IL17B: variants seen among roughly 807,000 people sequenced by gnomAD.
IL17B encodes interleukin-17B.
Under a neutral mutation model 14.7 loss-of-function variants are expected in IL17B, and 14 were observed. The observed-to-expected ratio is 0.95, with a 90% CI of 0.63 to 1.49. The LOEUF is 1.49. IL17B is among the 40% of genes most tolerant of loss of function. The pLI, the probability that IL17B is intolerant of heterozygous loss-of-function variation, is 0.00. For synonymous variants in IL17B, 105 were observed against 94.8 expected, an observed-to-expected ratio of 1.11 and a Z score of -0.62; for missense variants, 233 against 252.8, an observed-to-expected ratio of 0.92 and a Z score of 0.53.
intron 1 of IL17B, among the ~76,000 whole-genome samples, chr5:149,384,759 T>G (rs1349959557): frequency 6.6e-6 from 1 of 152,162 alleles, no homozygotes; most frequent in Non-Finnish European, 1.5e-5. Context: ...ATTCTAGCAC[T>G]TTCTAACTGC....
chr5:149,381,001 C>T (rs1301086886), upstream of IL17B, among the ~76,000 whole-genome samples: 4 of 152,360 alleles, frequency 2.6e-5, no homozygotes, highest in East Asian at 5.8e-4. Flanking sequence ...CTGTCCCAGC[C>T]CCAGCCCCAC....
chr5:149,403,641 T>A (rs564469241), intron 1 of IL17B, among the ~76,000 whole-genome samples: 2 of 152,086 alleles, frequency 1.3e-5, no homozygotes, highest in Non-Finnish European at 2.9e-5. Context: ...GTAGAATTAG[T>A]GTGAATTCAG....
chr5:149,394,596 A>T (rs1322324485), intron 1 of IL17B, among the ~76,000 whole-genome samples: 1 of 152,264 alleles, frequency 6.6e-6, no homozygotes, highest in Non-Finnish European at 1.5e-5. Flanking sequence ...CAGTATTGGA[A>T]ATGATGTGAA....
intron 1 of IL17B, among the ~76,000 whole-genome samples, chr5:149,401,231 C>T (rs1387633380): frequency 1.3e-5 from 2 of 152,238 alleles, no homozygotes; most frequent in Non-Finnish European, 2.9e-5. Context: ...TTCCGATTCC[C>T]TGTAGTAAAT....
At chr5:149,390,226 C>CG (rs149991010) in intron 1 of IL17B, among the ~76,000 whole-genome samples, 7 of 148,714 alleles carry the variant, frequency 4.7e-5, no homozygotes, top group African/African-American at 1.7e-4. Flanking sequence ...GACCCCCCCC[C>CG]TCCCTGTCCC....
intron 1 of IL17B, among the ~76,000 whole-genome samples, chr5:149,395,822 G>A (rs353263): frequency 0.12 from 17,873 of 152,184 alleles, 1,410 homozygotes; most frequent in East Asian, 0.17. Flanking sequence ...ACAGGTACAT[G>A]CCACCATGCC....
intron 1 of IL17B, among the ~76,000 whole-genome samples, chr5:149,391,231 G>A (rs1030370659): frequency 1.3e-5 from 2 of 152,166 alleles, no homozygotes; most frequent in South Asian, 2.1e-4. Context: ...CTCCCAAACT[G>A]CTGGGATTAC....
exon 1 of IL17B, chr5:149,404,134 CT>C (rs767186036): frequency 3.3e-5 from 5 of 152,182 alleles, no homozygotes; most frequent in African/African-American, 4.8e-5. Flanking sequence ...GACCTGTTTT[CT>C]CTAGGAATGG....
intron 1 of IL17B, among the ~76,000 whole-genome samples, chr5:149,392,940 G>A (rs1039129642): frequency 1.9e-4 from 23 of 121,602 alleles, no homozygotes; most frequent in African/African-American, 2.8e-4. Context: ...GTGTACGTGC[G>A]TGTGTGCGTG....
intron 1 of IL17B, among the ~76,000 whole-genome samples, chr5:149,377,326 G>A (rs990352493): frequency 3.3e-5 from 5 of 152,096 alleles, no homozygotes; most frequent in African/African-American, 7.2e-5. Flanking sequence ...CCCACCCCTC[G>A]TGTCAGCTTT....
intron 1 of IL17B, among the ~76,000 whole-genome samples, chr5:149,389,079 T>C (rs1473051434): frequency 2.0e-5 from 3 of 152,240 alleles, no homozygotes; most frequent in African/African-American, 2.4e-5. Flanking sequence ...GTTCACTTAA[T>C]TGTGGCTACC....
At chr5:149,389,438 AC>A (rs1758894262) in intron 1 of IL17B, among the ~76,000 whole-genome samples, 1 of 152,262 alleles carries the variant, frequency 6.6e-6, no homozygotes, top group South Asian at 2.1e-4. Context: ...GACTTTTGGA[AC>A]AAGAGCCATC....
In IL17B at chr5:149,403,266, T is replaced by C. The variant is rs538852994; in HGVS notation, n.95+842A>G. Among the ~76,000 whole-genome samples, 19 of 151,986 alleles carry C rather than the reference T, an allele frequency of 1.3e-4. 1 individual carries two copies. The South Asian group carries it at 3.9e-3, about 32-fold the overall frequency. ...TGCCCAGCTAATTTTTTGTATTTTT[T>C]ATAGAGACGGGGTTTCACCGTGTTG... On this transcript the variant is annotated intron_variant and non_coding_transcript_variant, in intron 1 of 2. Coordinates refer to the IL17B transcript ENST00000505432.
chr5:149,374,360 C>A lies in IL17B; in HGVS notation c.*9G>T. ...TCGGGCTGCTGGCCTGGCTTCTGGG[C>A]CAGGTGATTCAGAAGATGCAGGTGC... On this transcript the variant is annotated 3_prime_UTR_variant, in exon 3 of 3. Coordinates refer to ENST00000261796, the MANE Select transcript of IL17B (RefSeq NM_014443.3). This position sits in a 1 kb window ranked among gnomAD's most constrained non-coding sequence, Gnocchi z 5.0. 6.4e-7 allele frequency: 1 copy of A among 1,556,064 alleles called. No individual in the cohort carries two copies.
intron 1 of IL17B, among the ~76,000 whole-genome samples, chr5:149,391,008 T>A (rs1032556774): frequency 6.6e-6 from 1 of 152,146 alleles, no homozygotes. Context: ...CCTGATTCTG[T>A]CACCCAGGCT....
At chr5:149,397,511 C>T (rs914949359) in intron 1 of IL17B, among the ~76,000 whole-genome samples, 10 of 152,190 alleles carry the variant, frequency 6.6e-5, no homozygotes, top group African/African-American at 2.2e-4. Flanking sequence ...GCCTTATACA[C>T]TTCACTATCA....
At chr5:149,399,331 C>T (rs576921697) in intron 1 of IL17B, among the ~76,000 whole-genome samples, 55 of 152,290 alleles carry the variant, frequency 3.6e-4, no homozygotes, top group Non-Finnish European at 5.9e-4. Flanking sequence ...AAAGCTTGGC[C>T]TCCTGGTTCA....
upstream of IL17B, among the ~76,000 whole-genome samples, chr5:149,382,456 G>A (rs1450199524): frequency 1.3e-5 from 2 of 152,204 alleles, no homozygotes; most frequent in Admixed American, 6.5e-5. Flanking sequence ...AATAATAGCT[G>A]CTACTTAATA....
chr5:149,392,488 G>A (rs192977512), intron 1 of IL17B, among the ~76,000 whole-genome samples: 2 of 152,306 alleles, frequency 1.3e-5, no homozygotes, highest in Admixed American at 1.3e-4. Context: ...AATGTGAATA[G>A]TACACCCCAA....
Sources: allele counts gnomAD v4.1 joint callset (sites outside exome capture counted in the v4.1 genomes callset), GRCh38; gene constraint gnomAD v4.1.1; non-coding constraint Gnocchi (gnomAD v3.1); transcripts MANE v1.5; gene names NCBI Gene and HGNC (gene_info 2026-07-23, HGNC 2026-07-21).